Variants in GDA observed in about 807,000 individuals in gnomAD.
GDA encodes guanine deaminase, also known as cytoplasmic PSD-95 interactor.
Under a neutral mutation model 59.6 loss-of-function variants are expected in GDA, and 18 were observed. That is an observed-to-expected ratio of 0.30 (90% CI 0.21 to 0.45). The LOEUF (loss-of-function observed/expected upper bound fraction) is 0.45, where lower values mean the gene tolerates loss of function less well. Ranked by LOEUF, GDA falls within the 20% of genes least tolerant of loss-of-function variation. GDA has a pLI of 1.00. For missense variants in GDA, 427 were observed against 552.3 expected, an observed-to-expected ratio of 0.77 and a Z score of 2.27; for synonymous variants, 201 against 201.1, an observed-to-expected ratio of 1.00 and a Z score of 0.00.
At chr9:72,199,485 A>G (rs544960403) in intron 2 of GDA, among the ~76,000 whole-genome samples, 2 of 152,338 alleles carry the variant, frequency 1.3e-5, no homozygotes, top group East Asian at 3.9e-4. Context: ...TACAATGAAC[A>G]TGCTCATTTC....
At chr9:72,259,336 G>A (rs1040189079), downstream of GDA, among the ~76,000 whole-genome samples, 4 of 152,036 alleles carry the variant, frequency 2.6e-5, no homozygotes, top group African/African-American at 4.8e-5. Flanking sequence ...TTCTATTTTT[G>A]CAGTGAGCAA....
intron 12 of GDA, among the ~76,000 whole-genome samples, chr9:72,247,017 AAACAAAACAT>A (rs1436518791): frequency 2.6e-5 from 4 of 152,200 alleles, no homozygotes; most frequent in Admixed American, 2.6e-4. Context: ...TAAAAGCCTA[AAACAAAACAT>A]AACAAAACAG....
chr9:72,149,460 GTCCGCCCGGCA>G lies in GDA; in HGVS notation c.-99_-89del. The G allele has an allele frequency of 7.0e-7, 1 of 1,428,586 alleles. No individual in the cohort carries two copies. The highest frequency in any genetic ancestry group is 9.4e-7 in the Non-Finnish European group (1 of 1,058,406). 88.5% of individuals were successfully genotyped at this position (1,428,586 alleles called of 1,614,324 possible). On this transcript the variant is annotated 5_prime_UTR_variant, in exon 1 of 14. Transcript: ENST00000358399. ...GGGGCAGGACAAGGCCGGAGCCTGT[GTCCGCCCGGCA>G]GCCGCCCGCAGCTGCAGAGAGTCCC...
At chr9:72,152,634 G>A (rs148370877) in intron 1 of GDA, among the ~76,000 whole-genome samples, 11,307 of 152,186 alleles carry the variant, frequency 0.074, 568 homozygotes, top group Non-Finnish European at 0.11. Flanking sequence ...TTTTGATGGG[G>A]TTGTTTGTTT....
At chr9:72,173,689 A>T (rs1396344805) in intron 1 of GDA, among the ~76,000 whole-genome samples, 1 of 152,132 alleles carries the variant, frequency 6.6e-6, no homozygotes, top group Non-Finnish European at 1.5e-5. Flanking sequence ...TGCTAATCTG[A>T]GATAATCTTC....
intron 1 of GDA, among the ~76,000 whole-genome samples, chr9:72,151,733 G>C (rs555002089): frequency 1.7e-4 from 26 of 151,242 alleles, no homozygotes; most frequent in Admixed American, 8.6e-4. Flanking sequence ...TCAGCCTCCC[G>C]AGTAGCTGGG....
At chr9:72,224,809 C>CT (rs34656645) in intron 7 of GDA, among the ~76,000 whole-genome samples, 2,249 of 135,966 alleles carry the variant, frequency 0.017, 24 homozygotes, top group South Asian at 0.022. Flanking sequence ...TAGCCCAACC[C>CT]TTTTTTTTTT....
chr9:72,148,552 G>C (rs1227281816), upstream of GDA, among the ~76,000 whole-genome samples: 1 of 152,148 alleles, frequency 6.6e-6, no homozygotes, highest in African/African-American at 2.4e-5. Context: ...GCCAAGTAAA[G>C]CGCCACAAGA....
chr9:72,248,300 T>C lies in GDA; in HGVS notation c.1323T>C (p.Tyr441=). 6.2e-7 allele frequency: 1 copy of C among 1,613,246 alleles called. No homozygotes were observed. The highest frequency in any genetic ancestry group is 8.5e-7 in the Non-Finnish European group (1 of 1,179,166). Residue 441 remains tyrosine, a synonymous_variant, in exon 14 of 14, where the codon TAT becomes TAC. Coordinates refer to ENST00000358399, the MANE Select transcript of GDA (RefSeq NM_004293.5). ...LGDDRNIEEV[Y]VGGKQVVPFS... ...ATGATCGAAATATTGAAGAGGTTTA[T>C]GTGGGCGGAAAGCAGGTGGTTCCGT...
intron 12 of GDA, among the ~76,000 whole-genome samples, chr9:72,246,292 C>CAT (rs1840132011): frequency 6.6e-6 from 1 of 152,100 alleles, no homozygotes; most frequent in South Asian, 2.1e-4. Context: ...GGATTACAGG[C>CAT]GCCCACCACC....
intron 1 of GDA, among the ~76,000 whole-genome samples, chr9:72,172,329 T>C (rs1158741865): frequency 6.6e-6 from 1 of 152,162 alleles, no homozygotes; most frequent in Non-Finnish European, 1.5e-5. Context: ...CTTGAATACT[T>C]ACTCTATGCT....
chr9:72,248,518 T>G lies in GDA; in HGVS notation c.*176T>G. ...AGTTCGAAGGAAGTTGCACTAATTC[T>G]CAACTCTGGTTGAGAGGGTTCATAA... On this transcript the variant is annotated 3_prime_UTR_variant, in exon 14 of 14. Transcript: ENST00000358399. 4 of 1,410,036 alleles carry G rather than the reference T, an allele frequency of 2.8e-6. No homozygotes were observed. The highest frequency in any genetic ancestry group is 3.7e-6 in the Non-Finnish European group (4 of 1,083,292). The allele number at this position is 1,410,036 out of a possible 1,614,324, so 87.3% of individuals were successfully genotyped here.
chr9:72,169,435 G>A (rs1336861970), intron 1 of GDA, among the ~76,000 whole-genome samples: 1 of 152,132 alleles, frequency 6.6e-6, no homozygotes, highest in Non-Finnish European at 1.5e-5. Flanking sequence ...AGGGAGGAGT[G>A]TCAAGTCACA....
chr9:72,190,017 A>T (rs1354172092), intron 1 of GDA, among the ~76,000 whole-genome samples: 1 of 152,210 alleles, frequency 6.6e-6, no homozygotes, highest in Non-Finnish European at 1.5e-5. Flanking sequence ...TGACTGGGTC[A>T]TAGGGATGAA....
chr9:72,151,430 AC>A (rs1328870030), intron 1 of GDA, among the ~76,000 whole-genome samples: 3 of 152,182 alleles, frequency 2.0e-5, no homozygotes, highest in Non-Finnish European at 4.4e-5. Flanking sequence ...AGCATGCCAT[AC>A]ATATTTCAAA....
At chr9:72,155,000 A>G (rs1263992765) in intron 1 of GDA, among the ~76,000 whole-genome samples, 2 of 152,198 alleles carry the variant, frequency 1.3e-5, no homozygotes, top group Non-Finnish European at 1.5e-5. Flanking sequence ...GCCATGACCT[A>G]TCAGAACTTG....
At chr9:72,168,657 T>G (rs762941118) in intron 1 of GDA, among the ~76,000 whole-genome samples, 9 of 152,140 alleles carry the variant, frequency 5.9e-5, no homozygotes, top group Non-Finnish European at 1.3e-4. Flanking sequence ...CCTCCCAAAG[T>G]GCTGATACCC....
chr9:72,115,031 G>A (rs958326851), intron 1 of GDA, among the ~76,000 whole-genome samples: 2 of 152,188 alleles, frequency 1.3e-5, no homozygotes, highest in African/African-American at 4.8e-5. Context: ...CCTGTGGATT[G>A]AGCAAGTAGG....
chr9:72,206,505 G>T (rs1164327988), intron 3 of GDA, among the ~76,000 whole-genome samples: 1 of 152,068 alleles, frequency 6.6e-6, no homozygotes, highest in African/African-American at 2.4e-5. Context: ...GGGCACGGTG[G>T]CTCATGCCTG....
Sources: gnomAD v4.1 joint callset for allele counts (sites outside exome capture counted in the v4.1 genomes callset) on GRCh38, gnomAD v4.1.1 for gene constraint, MANE v1.5 for transcripts, NCBI Gene and HGNC (gene_info 2026-07-23, HGNC 2026-07-21) for gene names.